Variants in AOPEP observed in about 807,000 individuals in gnomAD.
AOPEP encodes aminopeptidase O.
Under a neutral mutation model 98.1 loss-of-function variants are expected in AOPEP, and 77 were observed. The observed-to-expected ratio is 0.78, with a 90% CI of 0.65 to 0.95. The LOEUF (loss-of-function observed/expected upper bound fraction) is 0.95, where lower values mean the gene tolerates loss of function less well. AOPEP is among the 40% of genes least tolerant of loss of function. The pLI, the probability that AOPEP is intolerant of heterozygous loss-of-function variation, is 0.00. For missense variants in AOPEP, 1,024 were observed against 1,024.7 expected, an observed-to-expected ratio of 1.00 and a Z score of 0.01; for synonymous variants, 346 against 365.3, an observed-to-expected ratio of 0.95 and a Z score of 0.60.
At chr9:95,059,969 A>G (rs2067186454) in intron 13 of AOPEP, among the ~76,000 whole-genome samples, 1 of 152,070 alleles carries the variant, frequency 6.6e-6, no homozygotes, top group Non-Finnish European at 1.5e-5. Flanking sequence ...GCTTCTCTTC[A>G]TTTCTTGTAT....
chr9:95,028,245 A>G (rs942124121), intron 13 of AOPEP, among the ~76,000 whole-genome samples: 2 of 152,242 alleles, frequency 1.3e-5, no homozygotes, highest in Non-Finnish European at 2.9e-5. Context: ...TGGCCTCCAG[A>G]GGCACTTTTG....
At chr9:95,029,481 G>T (rs1050707889) in intron 13 of AOPEP, among the ~76,000 whole-genome samples, 4 of 152,116 alleles carry the variant, frequency 2.6e-5, no homozygotes, top group South Asian at 4.2e-4. Flanking sequence ...TCTTTTTTGT[G>T]TGCTGCGTGT....
At chr9:94,991,747 T>C (rs1212382380) in intron 11 of AOPEP, among the ~76,000 whole-genome samples, 1 of 152,200 alleles carries the variant, frequency 6.6e-6, no homozygotes, top group Non-Finnish European at 1.5e-5. Flanking sequence ...ATATGTGTCA[T>C]GGATATACAT....
chr9:95,107,615 A>G, the AOPEP span: 2 of 416,020 alleles, frequency 4.8e-6, no homozygotes, highest in Non-Finnish European at 4.5e-6. Context: ...AGACTCGCCT[A>G]TCACAGCCAC....
intron 5 of AOPEP, among the ~76,000 whole-genome samples, chr9:94,890,212 T>G (rs12683036): frequency 0.029 from 4,358 of 148,768 alleles, 167 homozygotes; most frequent in African/African-American, 0.085. Context: ...GGTTTTTTTG[T>G]TTTTTTTTGA....
At chr9:95,090,421 C>G (rs1221676484), downstream of AOPEP, among the ~76,000 whole-genome samples, 33 of 152,338 alleles carry the variant, frequency 2.2e-4, no homozygotes. Flanking sequence ...AACCATGTCC[C>G]CTGCTGCCGC....
chr9:95,023,423 C>T (rs1347922351), intron 13 of AOPEP, among the ~76,000 whole-genome samples: 1 of 152,238 alleles, frequency 6.6e-6, no homozygotes, highest in Non-Finnish European at 1.5e-5. Context: ...CAGAGGACGC[C>T]TGCCTCCCAG....
chr9:94,744,350 G>A (rs1013098213), intron 1 of AOPEP, among the ~76,000 whole-genome samples: 1 of 151,974 alleles, frequency 6.6e-6, no homozygotes, highest in Non-Finnish European at 1.5e-5. Context: ...CCGAGATCGT[G>A]CCACTGCACT....
At chr9:94,900,610 G>A (rs544355553) in intron 5 of AOPEP, among the ~76,000 whole-genome samples, 34 of 152,118 alleles carry the variant, frequency 2.2e-4, no homozygotes, top group South Asian at 4.1e-4. Flanking sequence ...GTGTTTCATC[G>A]TGCTCGAGTA....
chr9:95,058,698 A>G (rs2067050550), intron 13 of AOPEP, among the ~76,000 whole-genome samples: 1 of 152,228 alleles, frequency 6.6e-6, no homozygotes, highest in East Asian at 1.9e-4. Flanking sequence ...TGACAGCAGC[A>G]CAACAAAGGG....
At chr9:94,731,840 A>G (rs1252119749) in intron 1 of AOPEP, among the ~76,000 whole-genome samples, 5 of 114,614 alleles carry the variant, frequency 4.4e-5, no homozygotes, top group Admixed American at 1.3e-4. Flanking sequence ...CTTGTTGCCC[A>G]GGCTGGAGTG....
the AOPEP span, among the ~76,000 whole-genome samples, chr9:95,115,518 A>C: frequency 6.6e-6 from 1 of 152,260 alleles, no homozygotes; most frequent in Non-Finnish European, 1.5e-5. Flanking sequence ...CAGGAAAGAA[A>C]ATAAGTGAGC....
At chr9:94,844,302 GC>G (rs772810471) in intron 5 of AOPEP, among the ~76,000 whole-genome samples, 2 of 152,002 alleles carry the variant, frequency 1.3e-5, no homozygotes, top group African/African-American at 4.8e-5. Flanking sequence ...TTTTTGAGAA[GC>G]CCCCCATACC....
At chr9:94,774,403 A>C (rs1032325181) in intron 3 of AOPEP, among the ~76,000 whole-genome samples, 1 of 151,844 alleles carries the variant, frequency 6.6e-6, no homozygotes, top group Non-Finnish European at 1.5e-5. Flanking sequence ...AAATTAAAAA[A>C]ATTATAGAGA....
intron 2 of AOPEP, among the ~76,000 whole-genome samples, chr9:94,764,425 T>A (rs982885717): frequency 1.3e-5 from 2 of 152,160 alleles, no homozygotes; most frequent in African/African-American, 4.8e-5. Context: ...GGTGGGCAGA[T>A]CACTTGAGGC....
intron 2 of AOPEP, among the ~76,000 whole-genome samples, chr9:94,767,332 C>A (rs111713610): frequency 4.8e-4 from 73 of 152,260 alleles, no homozygotes; most frequent in African/African-American, 1.7e-3. Flanking sequence ...AGTTGAGTCA[C>A]CATGGAAGAA....
intron 13 of AOPEP, among the ~76,000 whole-genome samples, chr9:95,012,452 T>C (rs1256043066): frequency 6.6e-6 from 1 of 152,172 alleles, no homozygotes; most frequent in East Asian, 1.9e-4. Flanking sequence ...TTCGTGGCTT[T>C]TTAGTTACTT....
intron 7 of AOPEP, among the ~76,000 whole-genome samples, chr9:94,947,472 G>A (rs1453750939): frequency 1.3e-5 from 2 of 152,154 alleles, no homozygotes; most frequent in Non-Finnish European, 1.5e-5. Context: ...CGAGCTCCTG[G>A]CCTCAAGGGA....
chr9:95,004,756 C>G (rs2061816923), intron 11 of AOPEP, among the ~76,000 whole-genome samples: 1 of 143,878 alleles, frequency 7.0e-6, no homozygotes, highest in African/African-American at 2.6e-5. Context: ...GCGGCCGGAG[C>G]CCGGGGAGGG....
Sources: gnomAD v4.1 joint callset for allele counts (sites outside exome capture counted in the v4.1 genomes callset) on GRCh38, gnomAD v4.1.1 for gene constraint, MANE v1.5 for transcripts, NCBI Gene and HGNC (gene_info 2026-07-23, HGNC 2026-07-21) for gene names.